Variants in ONECUT3 observed in about 807,000 individuals in gnomAD.
ONECUT3 encodes the protein one cut domain family member 3.
ONECUT3 carries 11 observed loss-of-function variants against 16.8 expected under a neutral mutation model. The observed-to-expected ratio is 0.66, with a 90% CI of 0.41 to 1.09. The LOEUF (loss-of-function observed/expected upper bound fraction) is 1.09, where lower values mean the gene tolerates loss of function less well. Ranked by LOEUF, ONECUT3 falls within the 50% of genes least tolerant of loss-of-function variation. The pLI is 0.00. For synonymous variants in ONECUT3, 344 were observed against 310.7 expected (o/e 1.11, Z -1.13); for missense variants, 637 against 629.9 (o/e 1.01, Z -0.12).
chr19:1,754,161 A>G lies in ONECUT3; in HGVS notation c.499A>G (p.Ser167Gly). The G allele has an allele frequency of 2.9e-6, 3 of 1,046,884 alleles. No homozygotes were observed. The highest frequency in any genetic ancestry group is 5.4e-5 in the South Asian group (2 of 36,734). 64.8% of individuals were successfully genotyped at this position (1,046,884 alleles called of 1,614,324 possible). ...PQRLAASVSG[S>G]FTLMRDERAA... is the part of the protein sequence containing the mutation. ...GCGTCTGGCGGCCAGCGTGAGCGGCAGCTTCACCCTCATGCGCGACGAGCG... is the reference window on the plus strand; with the variant it reads ...GCGTCTGGCGGCCAGCGTGAGCGGCGGCTTCACCCTCATGCGCGACGAGCG... Residue 167 changes from serine to glycine, a missense_variant, in exon 1 of 2, where the codon AGC becomes GGC. Ser to Gly is a moderately conservative substitution (Grantham distance 56, BLOSUM62 0). Around this residue, in one of 3 missense-constraint regions of ONECUT3, gnomAD observed 419 missense variants for 377.9 expected, o/e 1.11. Coordinates refer to ENST00000382349, the MANE Select transcript of ONECUT3 (RefSeq NM_001080488.2). This position sits in a 1 kb window ranked among gnomAD's most constrained non-coding sequence, Gnocchi z 7.4.
chr19:1,754,202 C>A lies in ONECUT3; in HGVS notation c.540C>A (p.Ser180=). ...GCGACGAGCGGGCGGCGCTCGCCTCCGTGGGCCACCTCTACGGACCCTACG... is the reference window on the plus strand; with the variant it reads ...GCGACGAGCGGGCGGCGCTCGCCTCAGTGGGCCACCTCTACGGACCCTACG... ...LMRDERAALA[S]VGHLYGPYGK... Residue 180 remains serine, a synonymous_variant, in exon 1 of 2, where the codon TCC becomes TCA. Coordinates refer to ENST00000382349, the MANE Select transcript of ONECUT3 (RefSeq NM_001080488.2). The surrounding 1 kb of genome is among the most constrained non-coding windows in gnomAD (Gnocchi z 7.4). The A allele has an allele frequency of 8.6e-7, 1 of 1,168,506 alleles. No homozygotes were observed. Among genetic ancestry groups the A allele is most frequent in the Non-Finnish European group, 1.1e-6 (1 of 937,168 alleles). The allele number at this position is 1,168,506 out of a possible 1,614,324, so 72.4% of individuals were successfully genotyped here.
Position 1,754,375 on chromosome 19 carries a change from A to T in ONECUT3, c.713A>T (p.Lys238Met). The part of the protein sequence containing the change: ...YGPPGHLAGD[K>M]LLPPAAFEPH... ...CCGCCAGGCCACCTGGCTGGGGACAAGCTGCTGCCGCCCGCCGCCTTCGAG... is the reference window on the plus strand; with the variant it reads ...CCGCCAGGCCACCTGGCTGGGGACATGCTGCTGCCGCCCGCCGCCTTCGAG... Residue 238 changes from lysine (K) to methionine (M), a missense_variant, in exon 1 of 2, where the codon AAG becomes ATG. Around this residue, in one of 3 missense-constraint regions of ONECUT3, gnomAD observed 419 missense variants for 377.9 expected, o/e 1.11. Coordinates refer to ENST00000382349, the MANE Select transcript of ONECUT3 (RefSeq NM_001080488.2). The surrounding 1 kb of genome is among the most constrained non-coding windows in gnomAD (Gnocchi z 7.4). 9.1e-7 allele frequency: 1 copy of T among 1,104,400 alleles called. No homozygotes were observed. The highest frequency in any genetic ancestry group is 4.0e-5 in the Admixed American group (1 of 25,266). 68.4% of individuals were successfully genotyped at this position (1,104,400 alleles called of 1,614,324 possible). A position where few individuals can be genotyped will look rare whatever the true frequency, so the allele number is the denominator to read the frequency against.
In ONECUT3 at chr19:1,766,997, G is replaced by C. The variant is rs1004426075; in HGVS notation, c.1193-8156G>C. Among the ~76,000 whole-genome samples, 3 of 151,364 alleles carry C rather than the reference G, an allele frequency of 2.0e-5. No homozygotes were observed. Among genetic ancestry groups the C allele is most frequent in the Non-Finnish European group, 4.4e-5 (3 of 67,724 alleles). On this transcript the variant is annotated intron_variant, in intron 1 of 1. Coordinates refer to ENST00000382349, the MANE Select transcript of ONECUT3 (RefSeq NM_001080488.2). The surrounding 1 kb of genome is among the most constrained non-coding windows in gnomAD (Gnocchi z 4.0). The stretch of plus-strand genomic sequence containing the variant: ...GAGGAGGGGCCCCGGGCTCCGCTGC[G>C]GGGGGAGGGAGGGACTTCCTGGGGA...
Position 1,775,401 on chromosome 19 carries a change from C to G in ONECUT3, c.1441C>G (p.Pro481Ala). The G allele has an allele frequency of 1.3e-6, 2 of 1,531,282 alleles. No homozygotes were observed. The highest frequency in any genetic ancestry group is 2.4e-5 in the South Asian group (2 of 82,524). The allele number at this position is 1,531,282 out of a possible 1,614,324, so 94.9% of individuals were successfully genotyped here. The change falls in exon 2 of 2, where the codon CCC (proline) becomes GCC (alanine). Residue 481 changes from proline (P) to alanine (A), a missense_variant. Physicochemically the swap from Pro to Ala is conservative, Grantham distance 27. Around this residue, in one of 3 missense-constraint regions of ONECUT3, gnomAD observed 183 missense variants for 188.3 expected, o/e 0.97. Transcript: ENST00000382349. ...NRWAEEPSTA[P>A]GGPAGATATF... ...CTGGGCTGAGGAGCCCAGCACGGCC[C>G]CCGGGGGCCCCGCCGGCGCCACGGC...
chr19:1,765,622 T>TG (rs2067980061), intron 1 of ONECUT3, among the ~76,000 whole-genome samples: 2 of 152,182 alleles, frequency 1.3e-5, no homozygotes, highest in African/African-American at 4.8e-5. Flanking sequence ...GAATGGTGAA[T>TG]GGATGAGTCG....
rs572946101 is a variant in ONECUT3, at chr19:1,766,473, G to A, written c.1193-8680G>A. ...GAAGGAGGAGGAGGGGGAGAGGGAA[G>A]GAAGGGAAGTGAGGGAAGGAAGGGG... On this transcript the variant is annotated intron_variant, in intron 1 of 1. Transcript: ENST00000382349. This position sits in a 1 kb window ranked among gnomAD's most constrained non-coding sequence, Gnocchi z 4.0. 6.6e-6 allele frequency among the ~76,000 whole-genome samples: 1 copy of A among 151,494 alleles called. No individual in the cohort carries two copies. Among genetic ancestry groups the A allele is most frequent in the Admixed American group, 6.6e-5 (1 of 15,204 alleles).
chr19:1,772,262 C>T (rs1442757184), intron 1 of ONECUT3, among the ~76,000 whole-genome samples: 1 of 152,104 alleles, frequency 6.6e-6, no homozygotes, highest in Non-Finnish European at 1.5e-5. Flanking sequence ...ATCCACCTAC[C>T]TTGGCCTCCC....
Position 1,759,544 on chromosome 19 carries a change from C to T in ONECUT3, c.1192+4690C>T, listed in dbSNP as rs1261221786. ...GGGAGAGAGGAGAGAGGGAAAGACC[C>T]CTGTGCCTTTTGCAAAAACCCCACT... is the stretch of plus-strand genomic sequence containing the variant. On this transcript the variant is annotated intron_variant, in intron 1 of 1. Coordinates refer to ENST00000382349, the MANE Select transcript of ONECUT3 (RefSeq NM_001080488.2). The surrounding 1 kb of genome is among the most constrained non-coding windows in gnomAD (Gnocchi z 4.1). Among the ~76,000 whole-genome samples the T allele has an allele frequency of 6.6e-6, 1 of 151,896 alleles. No homozygotes were observed. Among genetic ancestry groups the T allele is most frequent in the African/African-American group, 2.4e-5 (1 of 41,342 alleles).
rs1277593801 is a variant in ONECUT3 at position 1,780,639 on chromosome 19, T to C, written c.*5194T>C. 1 of 152,300 alleles carries C rather than the reference T, an allele frequency of 6.6e-6. No homozygotes were observed. The allele number at this position is 152,300 out of a possible 1,614,324, so 9.4% of individuals were successfully genotyped here. A position where few individuals can be genotyped will look rare whatever the true frequency, so the allele number is the denominator to read the frequency against. On this transcript the variant is annotated 3_prime_UTR_variant, in exon 2 of 2. Coordinates refer to ENST00000382349, the MANE Select transcript of ONECUT3 (RefSeq NM_001080488.2). ...TCAGCTGACCTCAAATCTGAAATGA[T>C]GCCGGGGCCAGGATGCTCCTTGCAC...
rs755669559 is a variant in ONECUT3 at position 1,775,332 on chromosome 19, G to A, written c.1372G>A (p.Val458Ile). 6 of 1,579,660 alleles carry A rather than the reference G, an allele frequency of 3.8e-6. No individual in the cohort carries two copies. Among genetic ancestry groups the A allele is most frequent in the East Asian group, 2.4e-5 (1 of 42,508 alleles). Residue 458 changes from valine to isoleucine, a missense_variant, in exon 2 of 2, where the codon GTC (valine) becomes ATC (isoleucine). By Grantham distance (29) the Val-to-Ile change is conservative (BLOSUM62 3). Transcript: ENST00000382349. ...SQQLGLELNT[V>I]SNFFMNARRR... ...GCAGCTCGGCTTGGAGCTCAACACC[G>A]TCAGCAACTTCTTCATGAACGCGCG...
At position 1,755,395 on chromosome 19, in the gene ONECUT3, C is replaced by T. The variant is rs964802670; in HGVS notation, c.1192+541C>T. 2.6e-5 allele frequency among the ~76,000 whole-genome samples: 4 copies of T among 152,104 alleles called. No individual in the cohort carries two copies. The highest frequency in any genetic ancestry group is 4.4e-5 in the Non-Finnish European group (3 of 67,998). On this transcript the variant is annotated intron_variant, in intron 1 of 1. Transcript: ENST00000382349. This position sits in a 1 kb window ranked among gnomAD's most constrained non-coding sequence, Gnocchi z 7.5. ...GAGGCCGAGCCCGCGCTCATCCCCCCACCTGCCCCAGCGCGCGCTTCTTTG... is the reference window on the plus strand; with the variant it reads ...GAGGCCGAGCCCGCGCTCATCCCCCTACCTGCCCCAGCGCGCGCTTCTTTG...
intron 1 of ONECUT3, among the ~76,000 whole-genome samples, chr19:1,770,446 C>T (rs1368182087): frequency 6.6e-6 from 1 of 152,078 alleles, no homozygotes; most frequent in Non-Finnish European, 1.5e-5. Flanking sequence ...CAAAACAAAA[C>T]AAGAATTATT....
At position 1,775,572 on chromosome 19, in the gene ONECUT3, C is replaced by A; in HGVS notation, c.*127C>A. ...CACCTGGAGGGGGTGCTATCCGGGC[C>A]CCCCACACCCGGGGAGGGGGAAGCA... On this transcript the variant is annotated 3_prime_UTR_variant, in exon 2 of 2. Coordinates refer to ENST00000382349, the MANE Select transcript of ONECUT3 (RefSeq NM_001080488.2). The A allele has an allele frequency of 2.1e-6, 2 of 944,804 alleles. No homozygotes were observed. Among genetic ancestry groups the A allele is most frequent in the Middle Eastern group, 3.5e-4 (1 of 2,826 alleles). 58.5% of individuals were successfully genotyped at this position (944,804 alleles called of 1,614,324 possible). A position where few individuals can be genotyped will look rare whatever the true frequency, so the allele number is the denominator to read the frequency against.
rs1314898307 is a variant in ONECUT3, at chr19:1,754,115, GC to G, written c.458del (p.Pro153ArgfsTer12). ...HAHPHPAAAP[P>X]PPPPPQRLAA... is the part of the protein sequence containing the mutation. ...CGCACCCGCACCCGGCGGCCGCGCC[GC>G]CCCCGCCACCCCCGCCGCAGCGTCT... On this transcript the variant is annotated frameshift_variant, in exon 1 of 2. Coordinates refer to ENST00000382349, the MANE Select transcript of ONECUT3 (RefSeq NM_001080488.2). LOFTEE classifies it high-confidence loss of function. This position sits in a 1 kb window ranked among gnomAD's most constrained non-coding sequence, Gnocchi z 7.4. The G allele has an allele frequency of 5.0e-6, 5 of 1,008,476 alleles. No individual in the cohort carries two copies. The highest frequency in any genetic ancestry group is 4.1e-5 in the South Asian group (1 of 24,134). The allele number at this position is 1,008,476 out of a possible 1,614,324, so 62.5% of individuals were successfully genotyped here. A position where few individuals can be genotyped will look rare whatever the true frequency, so the allele number is the denominator to read the frequency against.
chr19:1,760,654 G>T (rs2067941719), intron 1 of ONECUT3, among the ~76,000 whole-genome samples: 1 of 151,786 alleles, frequency 6.6e-6, no homozygotes, highest in Non-Finnish European at 1.5e-5. Flanking sequence ...GAGAGGATGG[G>T]CGGTGGGGGG....
intron 1 of ONECUT3, among the ~76,000 whole-genome samples, chr19:1,760,281 G>A (rs2067939888): frequency 6.6e-6 from 1 of 152,230 alleles, no homozygotes; most frequent in Admixed American, 6.5e-5. Context: ...ACCCCGCTGA[G>A]TCTGGTGGGC....
chr19:1,778,865 A>AACACACAC lies in ONECUT3; in HGVS notation c.*3420_*3421insACACACAC, dbSNP rs1186684164. On this transcript the variant is annotated 3_prime_UTR_variant, in exon 2 of 2. Coordinates refer to ENST00000382349, the MANE Select transcript of ONECUT3 (RefSeq NM_001080488.2). ...CTGGATCCTTTTCAGATATCTTCGT[A>AACACACAC]TCACACACACACACACACACACACA... 9.8e-5 allele frequency: 9 copies of AACACACAC among 92,158 alleles called. No individual in the cohort carries two copies. The highest frequency in any genetic ancestry group is 4.8e-4 in the Admixed American group (4 of 8,276). The allele number at this position is 92,158 out of a possible 1,614,324, so 5.7% of individuals were successfully genotyped here.
At chr19:1,757,396 G>A (rs1460731822) in intron 1 of ONECUT3, among the ~76,000 whole-genome samples, 1 of 152,268 alleles carries the variant, frequency 6.6e-6, no homozygotes, top group Non-Finnish European at 1.5e-5. Flanking sequence ...TTCCTGTCGA[G>A]GAAGGGAGAG....
chr19:1,769,997 C>T (rs191889231), intron 1 of ONECUT3, among the ~76,000 whole-genome samples: 4 of 152,252 alleles, frequency 2.6e-5, no homozygotes, highest in African/African-American at 9.6e-5. Context: ...CCAGTGGACT[C>T]TGTTTTCTGG....
Sources: allele counts gnomAD v4.1 joint callset (sites outside exome capture counted in the v4.1 genomes callset), GRCh38; gene constraint gnomAD v4.1.1; regional missense constraint gnomAD v4.1.1; non-coding constraint Gnocchi (gnomAD v3.1); transcripts MANE v1.5; gene names NCBI Gene and HGNC (gene_info 2026-07-23, HGNC 2026-07-21).